Variants in COL12A1 observed in about 807,000 individuals in gnomAD.
COL12A1 encodes the protein collagen type XII alpha 1 chain.
Under a neutral mutation model 349.7 loss-of-function variants are expected in COL12A1, and 114 were observed. That is an observed-to-expected ratio of 0.33 (90% CI 0.28 to 0.38). COL12A1 has a LOEUF of 0.38. Among genes scored for constraint, COL12A1 ranks in the 10% least tolerant of loss-of-function variants. The pLI is 1.00. For synonymous variants in COL12A1, 1,369 were observed against 1,329.0 expected, an observed-to-expected ratio of 1.03 and a Z score of -0.66; for missense variants, 3,284 against 3,756.9, an observed-to-expected ratio of 0.87 and a Z score of 3.29.
intron 60 of COL12A1, among the ~76,000 whole-genome samples, chr6:75,094,048 A>T (rs142111016): frequency 8.3e-4 from 127 of 152,328 alleles, no homozygotes; most frequent in Middle Eastern, 6.8e-3. Context: ...CAGTTTTTAA[A>T]GTATTTAGGT....
rs1200209425 is a variant in COL12A1 at position 75,085,163 on chromosome 6, C to G, written c.*1384G>C. The stretch of plus-strand genomic sequence containing the variant: ...GAGAATTTCAACACCTCCCCCAAGC[C>G]TCGCGGCGCGGCGCGTGATCTCTGG... On this transcript the variant is annotated 3_prime_UTR_variant, in exon 66 of 66. Transcript: ENST00000322507. 2.2e-6 allele frequency: 1 copy of G among 457,176 alleles called. No individual in the cohort carries two copies. The highest frequency in any genetic ancestry group is 7.0e-5 in the East Asian group (1 of 14,192). 28.3% of individuals were successfully genotyped at this position (457,176 alleles called of 1,614,324 possible). A position where few individuals can be genotyped will look rare whatever the true frequency, so the allele number is the denominator to read the frequency against.
chr6:75,132,117 T>G, intron 34 of COL12A1, 35 bp from the exon 35 acceptor site: 1 of 1,610,590 alleles, frequency 6.2e-7, no homozygotes, highest in South Asian at 1.1e-5. Context: ...ATTTTTTAAG[T>G]CTGTTTATAT....
At chr6:75,170,587 G>A (rs73747435) in intron 13 of COL12A1, among the ~76,000 whole-genome samples, 13,232 of 152,152 alleles carry the variant, frequency 0.087, 996 homozygotes, top group East Asian at 0.22. Context: ...TGTTTCTTCC[G>A]TAATTATCAC....
intron 43 of COL12A1, among the ~76,000 whole-genome samples, chr6:75,122,607 C>G (rs1018363631): frequency 3.3e-5 from 5 of 152,128 alleles, no homozygotes; most frequent in Non-Finnish European, 7.3e-5. Flanking sequence ...TATTTTACCC[C>G]ACAATAATAC....
rs1026690398 is a variant in COL12A1 at position 75,094,554 on chromosome 6, C to T, written c.8649+554G>A. 8.5e-5 allele frequency among the ~76,000 whole-genome samples: 13 copies of T among 152,216 alleles called. No homozygotes were observed. In the East Asian group the frequency reaches 2.3e-3, roughly 27 times the overall value. On this transcript the variant is annotated intron_variant, in intron 60 of 65. Transcript: ENST00000322507. Reference sequence around the variant, plus strand: ...TCAACTATTATTTTAACCAAAATATCTGCATAAGAGAAAGTTAAATGGGGT... The same window carrying T: ...TCAACTATTATTTTAACCAAAATATTTGCATAAGAGAAAGTTAAATGGGGT...
intron 32 of COL12A1, 79 bp downstream of exon 32, chr6:75,134,647 C>G (rs944408881): frequency 1.5e-6 from 2 of 1,295,248 alleles, no homozygotes; most frequent in Non-Finnish European, 2.1e-6. Flanking sequence ...TTGTGTCACC[C>G]CAGTGTTTCC....
intron 13 of COL12A1, among the ~76,000 whole-genome samples, chr6:75,170,031 T>C (rs768852952): frequency 2.6e-5 from 4 of 152,334 alleles, no homozygotes; most frequent in East Asian, 1.9e-4. Flanking sequence ...CCTGAAGGGA[T>C]TGATTCCTAC....
Position 75,175,095 on chromosome 6 carries a change from C to G in COL12A1, c.2653G>C (p.Ala885Pro). The change falls in exon 13 of 66, where the codon GCC (alanine) becomes CCC (proline). Residue 885 changes from alanine to proline, a missense_variant. Around this residue, in one of 2 missense-constraint regions of COL12A1, gnomAD observed 2,601 missense variants for 2,824.8 expected, o/e 0.92. Coordinates refer to ENST00000322507, the MANE Select transcript of COL12A1 (RefSeq NM_004370.6). ...EGTQYALSVT[A>P]LYASGAGDAL... ...TCTCCAGCCCCAGACGCATACAAGGCTGTCACAGATAAGGCGTATTGTGTC... is the reference window on the plus strand; with the variant it reads ...TCTCCAGCCCCAGACGCATACAAGGGTGTCACAGATAAGGCGTATTGTGTC... 1 of 1,614,188 alleles carries G rather than the reference C, an allele frequency of 6.2e-7. No individual in the cohort carries two copies. The highest frequency in any genetic ancestry group is 8.5e-7 in the Non-Finnish European group (1 of 1,180,034).
rs374545461 is a variant in COL12A1 at position 75,124,327 on chromosome 6, C to T, written c.6652G>A (p.Asp2218Asn). 2 of 1,613,070 alleles carry T rather than the reference C, an allele frequency of 1.2e-6. No individual in the cohort carries two copies. The highest frequency in any genetic ancestry group is 1.7e-6 in the Non-Finnish European group (2 of 1,179,562). The change falls in exon 41 of 66, where the codon GAT (aspartate) becomes AAT (asparagine). Residue 2218 changes from aspartate to asparagine, a missense_variant. Coordinates refer to ENST00000322507, the MANE Select transcript of COL12A1 (RefSeq NM_004370.6). Reference sequence around the variant, plus strand: ...GGTGACCATTTGACACAGAATGTATCCCACCCAATCTGGTAAGTTTTCAGA... The same window carrying T: ...GGTGACCATTTGACACAGAATGTATTCCACCCAATCTGGTAAGTTTTCAGA... Reference protein sequence around the residue: ...TDLKTYQIGWDTFCVKWSPHR... With the variant: ...TDLKTYQIGWNTFCVKWSPHR...
rs533496694 is a variant in COL12A1 at position 75,197,295 on chromosome 6, G to A, written c.74-2348C>T. ...GTTCCCTAAGACAATGCTGATGCTG[G>A]AAATTTTCTTTTCTTTTCTTTTTTT... On this transcript the variant is annotated intron_variant, in intron 2 of 65. Coordinates refer to ENST00000322507, the MANE Select transcript of COL12A1 (RefSeq NM_004370.6). Among the ~76,000 whole-genome samples, 703 of 122,632 alleles carry A rather than the reference G, an allele frequency of 5.7e-3. 4 individuals are homozygous for A. The highest frequency in any genetic ancestry group is 0.019 in the African/African-American group (662 of 34,406). The allele number at this position is 122,632 out of a possible 152,430, so 80.5% of individuals were successfully genotyped here. A position where few individuals can be genotyped will look rare whatever the true frequency, so the allele number is the denominator to read the frequency against.
chr6:75,199,368 CAT>C, intron 2 of COL12A1, among the ~76,000 whole-genome samples: 1 of 152,260 alleles, frequency 6.6e-6, no homozygotes, highest in East Asian at 1.9e-4. Context: ...ACAAATTAGA[CAT>C]AGGATTATAA....
chr6:75,122,525 G>GA (rs887939748), intron 43 of COL12A1, among the ~76,000 whole-genome samples: 6 of 152,032 alleles, frequency 3.9e-5, no homozygotes, highest in African/African-American at 1.4e-4. Context: ...TATTTAAAAA[G>GA]AAAAAACTTG....
rs574147225 is a variant in COL12A1, at chr6:75,097,263, G to C, written c.8567C>G (p.Pro2856Arg). The change falls in exon 59 of 66, where the codon CCA becomes CGA. Residue 2856 changes from proline to arginine, a missense_variant. Physicochemically the swap from Pro to Arg is moderately radical, Grantham distance 103. This residue lies in a region of COL12A1 where 683 missense variants were observed against 932.1 expected (regional missense o/e 0.73). Coordinates refer to ENST00000322507, the MANE Select transcript of COL12A1 (RefSeq NM_004370.6). ...ACATTTAGTTCTTACCGGCGGCCCT[G>C]GTGGGCCCCTGGGTCCCATTGCACC... ...KDGAMGPRGP[P>R]GPPGSPGSPG... 6.2e-7 allele frequency: 1 copy of C among 1,613,718 alleles called. No homozygotes were observed. The highest frequency in any genetic ancestry group is 8.5e-7 in the Non-Finnish European group (1 of 1,179,702).
intron 13 of COL12A1, among the ~76,000 whole-genome samples, chr6:75,168,198 A>T (rs1184781780): frequency 3.9e-5 from 6 of 152,202 alleles, no homozygotes; most frequent in Non-Finnish European, 8.8e-5. Context: ...AATATTCCTA[A>T]ATATTAAATC....
chr6:75,100,006 C>T (rs750517799), intron 58 of COL12A1, among the ~76,000 whole-genome samples: 11 of 152,078 alleles, frequency 7.2e-5, no homozygotes, highest in Non-Finnish European at 1.3e-4. Flanking sequence ...TTGTTGATAC[C>T]CCACCAGCTA....
At chr6:75,132,647 T>C (rs893154263) in intron 34 of COL12A1, among the ~76,000 whole-genome samples, 1 of 152,216 alleles carries the variant, frequency 6.6e-6, no homozygotes, top group Non-Finnish European at 1.5e-5. Context: ...CCAATTAAAT[T>C]GATGTACTAA....
intron 13 of COL12A1, among the ~76,000 whole-genome samples, chr6:75,169,356 T>C (rs1442722228): frequency 6.6e-6 from 1 of 152,140 alleles, no homozygotes; most frequent in Non-Finnish European, 1.5e-5. Flanking sequence ...AACGTAAAGA[T>C]GCCAGAAGAC....
Position 75,189,400 on chromosome 6 carries a change from T to C in COL12A1, c.659-19A>G. 1 of 1,610,182 alleles carries C rather than the reference T, an allele frequency of 6.2e-7. No homozygotes were observed. Among genetic ancestry groups the C allele is most frequent in the Non-Finnish European group, 8.5e-7 (1 of 1,178,638 alleles). ...GCATCCCCTAAAGGGAAAAGAAACATGTTCATTTACTCTGTACTACACAAT... is the reference window on the plus strand; with the variant it reads ...GCATCCCCTAAAGGGAAAAGAAACACGTTCATTTACTCTGTACTACACAAT... On this transcript the variant is annotated intron_variant, in intron 6 of 65. Coordinates refer to ENST00000322507, the MANE Select transcript of COL12A1 (RefSeq NM_004370.6).
chr6:75,162,800 G>A (rs545263960), intron 14 of COL12A1, among the ~76,000 whole-genome samples: 3 of 151,864 alleles, frequency 2.0e-5, no homozygotes, highest in Non-Finnish European at 4.4e-5. Flanking sequence ...ACAAAGAACT[G>A]AAACAGATTT....
Sources: allele counts gnomAD v4.1 joint callset (sites outside exome capture counted in the v4.1 genomes callset), GRCh38; gene constraint gnomAD v4.1.1; regional missense constraint gnomAD v4.1.1; transcripts MANE v1.5; gene names NCBI Gene and HGNC (gene_info 2026-07-23, HGNC 2026-07-21).